Variants in TMEM116 observed in about 807,000 individuals in gnomAD.
TMEM116 encodes transmembrane protein 116.
In TMEM116, 38 loss-of-function variants were observed where a neutral mutation model predicts 44.3. The ratio of observed to expected loss-of-function variants is 0.86; its 90% CI spans 0.66 to 1.12. TMEM116 has a LOEUF of 1.12. TMEM116 is among the 50% of genes most tolerant of loss of function. The pLI is 0.00. For synonymous variants in TMEM116, 132 were observed against 144.8 expected (o/e 0.91, Z 0.64); for missense variants, 354 against 401.7 (o/e 0.88, Z 1.01).
intron 4 of TMEM116, among the ~76,000 whole-genome samples, chr12:111,946,304 G>T (rs937720898): frequency 6.6e-6 from 1 of 152,218 alleles, no homozygotes; most frequent in African/African-American, 2.4e-5. Context: ...GGATCAGGGG[G>T]CTGACAGCCT....
At chr12:111,993,146 A>G (rs779396279) in intron 3 of TMEM116, 5 of 268,268 alleles carry the variant, frequency 1.9e-5, no homozygotes, top group Admixed American at 4.1e-5. Flanking sequence ...CTGCCTTATA[A>G]AAGTACAGTT....
At chr12:111,931,927 C>T in intron 10 of TMEM116, 100 bp from the exon 11 acceptor site, 1 of 850,802 alleles carries the variant, frequency 1.2e-6, no homozygotes, top group South Asian at 2.1e-5. Flanking sequence ...GTTATATTTT[C>T]TCTATCTCAA....
chr12:112,003,041 T>A (rs1339398459), intron 3 of TMEM116, among the ~76,000 whole-genome samples: 2 of 152,246 alleles, frequency 1.3e-5, no homozygotes, highest in African/African-American at 2.4e-5. Flanking sequence ...TACTCTGTTT[T>A]CACCATAAAA....
Position 111,940,285 on chromosome 12 carries a change from T to C in TMEM116, c.316-2075A>G, listed in dbSNP as rs1005082282. 2.6e-5 allele frequency among the ~76,000 whole-genome samples: 4 copies of C among 150,968 alleles called. No individual in the cohort carries two copies. In the South Asian group the frequency reaches 8.3e-4, roughly 31 times the overall value. Reference sequence around the variant, plus strand: ...GAGACTCTGTCTCAAAAAATATATATATATATGTATGTATATTTTCCCTTC... The same window carrying C: ...GAGACTCTGTCTCAAAAAATATATACATATATGTATGTATATTTTCCCTTC... On this transcript the variant is annotated intron_variant, in intron 5 of 10. Transcript: ENST00000552374.
intron 4 of TMEM116, among the ~76,000 whole-genome samples, chr12:111,964,350 G>A (rs1455900872): frequency 2.0e-5 from 3 of 151,244 alleles, no homozygotes; most frequent in Non-Finnish European, 4.4e-5. Flanking sequence ...GCTGAGGCAG[G>A]AGAATCACTT....
At chr12:111,993,204 G>T in intron 3 of TMEM116, 1 of 394,594 alleles carries the variant, frequency 2.5e-6, no homozygotes, top group South Asian at 2.3e-5. Context: ...CTCTCGTGGG[G>T]TCTTAGGTTG....
At chr12:112,000,865 C>T in intron 3 of TMEM116, 1 of 453,110 alleles carries the variant, frequency 2.2e-6, no homozygotes, top group Admixed American at 2.5e-5. Flanking sequence ...TCCCCGAATC[C>T]ACCAATTCTC....
intron 5 of TMEM116, among the ~76,000 whole-genome samples, chr12:111,941,360 G>A (rs2072801728): frequency 6.7e-6 from 1 of 148,358 alleles, no homozygotes; most frequent in Non-Finnish European, 1.5e-5. Flanking sequence ...TGGCGACAGA[G>A]CGAGATTCCA....
chr12:111,959,918 C>T (rs1397124918), intron 4 of TMEM116, among the ~76,000 whole-genome samples: 2 of 152,068 alleles, frequency 1.3e-5, no homozygotes, highest in Non-Finnish European at 2.9e-5. Context: ...GACTTTAATA[C>T]CCCACTGTCG....
At chr12:111,942,289 G>A (rs954278349) in intron 5 of TMEM116, among the ~76,000 whole-genome samples, 4 of 148,058 alleles carry the variant, frequency 2.7e-5, no homozygotes, top group African/African-American at 5.0e-5. Context: ...TTGTTTTTTT[G>A]AGACGGAGTC....
At chr12:111,981,824 A>G (rs2075959563) in intron 4 of TMEM116, among the ~76,000 whole-genome samples, 1 of 152,226 alleles carries the variant, frequency 6.6e-6, no homozygotes, top group Non-Finnish European at 1.5e-5. Context: ...AATATGTTAT[A>G]TATACATAAT....
chr12:111,986,771 T>G (rs1439397133), intron 4 of TMEM116, among the ~76,000 whole-genome samples: 3 of 152,144 alleles, frequency 2.0e-5, no homozygotes, highest in African/African-American at 7.2e-5. Context: ...ATCATATCAC[T>G]GCACTCCAGC....
intron 4 of TMEM116, among the ~76,000 whole-genome samples, chr12:111,976,364 A>ATAT (rs1470362493): frequency 1.3e-5 from 2 of 151,934 alleles, no homozygotes; most frequent in African/African-American, 4.8e-5. Flanking sequence ...GCTCCTGGTC[A>ATAT]TATAAACATA....
chr12:111,975,527 G>T (rs907826537), intron 4 of TMEM116, among the ~76,000 whole-genome samples: 1 of 152,168 alleles, frequency 6.6e-6, no homozygotes, highest in Non-Finnish European at 1.5e-5. Flanking sequence ...CTGATAAGAA[G>T]AACACAATTG....
rs1055646925 is a variant in TMEM116, at chr12:111,934,047, C to T, written c.589-17G>A. On this transcript the variant is annotated splice_polypyrimidine_tract_variant and intron_variant, in intron 8 of 10. Coordinates refer to ENST00000552374, the MANE Select transcript of TMEM116 (RefSeq NM_001193531.2). ...AAGTAAGACCTAAATATGAGTACAG[C>T]AGTGAGCAGTTTGCTTAAAGCTTAG... 53 of 1,613,386 alleles carry T rather than the reference C, an allele frequency of 3.3e-5. No individual in the cohort carries two copies. Among genetic ancestry groups the T allele is most frequent in the Non-Finnish European group, 4.4e-5 (52 of 1,179,696 alleles).
chr12:111,971,542 A>G (rs986720389), intron 4 of TMEM116, among the ~76,000 whole-genome samples: 4 of 152,114 alleles, frequency 2.6e-5, no homozygotes, highest in Non-Finnish European at 5.9e-5. Flanking sequence ...AGCCAACAAA[A>G]AAGACAATAT....
At chr12:111,990,657 G>A (rs567633996) in intron 4 of TMEM116, among the ~76,000 whole-genome samples, 1 of 152,306 alleles carries the variant, frequency 6.6e-6, no homozygotes, top group South Asian at 2.1e-4. Context: ...AGCATAGGCT[G>A]CATTTAAACC....
intron 5 of TMEM116, among the ~76,000 whole-genome samples, chr12:111,940,773 T>C (rs1280710913): frequency 6.6e-6 from 1 of 152,018 alleles, no homozygotes; most frequent in African/African-American, 2.4e-5. Flanking sequence ...CAGAAAATTA[T>C]TGCCCCATGT....
chr12:111,949,703 G>A (rs1402183746), intron 4 of TMEM116, among the ~76,000 whole-genome samples: 1 of 152,156 alleles, frequency 6.6e-6, no homozygotes, highest in Non-Finnish European at 1.5e-5. Flanking sequence ...TTGTTTTCAA[G>A]TTTTTATTAT....
Sources: gnomAD v4.1 joint callset for allele counts (sites outside exome capture counted in the v4.1 genomes callset) on GRCh38, gnomAD v4.1.1 for gene constraint, MANE v1.5 for transcripts, NCBI Gene and HGNC (gene_info 2026-07-23, HGNC 2026-07-21) for gene names.